GNA15: variants seen among roughly 807,000 people sequenced by gnomAD.
The protein encoded by GNA15 is G protein subunit alpha 15.
Under a neutral mutation model 40.1 loss-of-function variants are expected in GNA15, and 23 were observed. The observed-to-expected ratio is 0.57, with a 90% CI of 0.41 to 0.81. The LOEUF is 0.81. Among genes scored for constraint, GNA15 ranks in the 40% least tolerant of loss-of-function variants. The pLI is 0.00. For synonymous variants in GNA15, 226 were observed against 210.4 expected (o/e 1.07, Z -0.64); for missense variants, 522 against 515.8 (o/e 1.01, Z -0.12).
chr19:3,153,221 G>A (rs1331350673), intron 4 of GNA15, among the ~76,000 whole-genome samples: 5 of 150,292 alleles, frequency 3.3e-5, no homozygotes, highest in African/African-American at 1.2e-4. Context: ...ACCCAAGGAT[G>A]ACTTCTATGG....
At chr19:3,138,578 C>T (rs1394946831) in intron 1 of GNA15, among the ~76,000 whole-genome samples, 5 of 152,180 alleles carry the variant, frequency 3.3e-5, no homozygotes, top group Non-Finnish European at 2.9e-5. Flanking sequence ...GGTGGGGACC[C>T]CCAGGAACTG....
chr19:3,158,226 T>A (rs1915073649), intron 6 of GNA15, among the ~76,000 whole-genome samples: 2 of 152,024 alleles, frequency 1.3e-5, no homozygotes, highest in Non-Finnish European at 2.9e-5. Flanking sequence ...CTCGGCTCAC[T>A]GCAACCTTTC....
intron 6 of GNA15, among the ~76,000 whole-genome samples, chr19:3,162,177 G>A (rs569418862): frequency 3.3e-5 from 5 of 151,954 alleles, no homozygotes; most frequent in South Asian, 4.2e-4. Context: ...AGTGGCTCAC[G>A]CCTGTAATCC....
At chr19:3,159,209 C>T (rs916835411) in intron 6 of GNA15, among the ~76,000 whole-genome samples, 1 of 149,110 alleles carries the variant, frequency 6.7e-6, no homozygotes, top group Non-Finnish European at 1.5e-5. Flanking sequence ...TATTTTTGGT[C>T]GAGATGGGGT....
chr19:3,157,199 A>G (rs1915050803), intron 5 of GNA15, among the ~76,000 whole-genome samples: 1 of 151,926 alleles, frequency 6.6e-6, no homozygotes, highest in South Asian at 2.1e-4. Flanking sequence ...GGGTTTCACC[A>G]TGTTAGCCAG....
chr19:3,148,615 C>T lies in GNA15; in HGVS notation c.170C>T (p.Thr57Ile). The change falls in exon 2 of 7, where the codon ACC (threonine) becomes ATC (isoleucine). Residue 57 changes from threonine (T) to isoleucine (I), a missense_variant. Transcript: ENST00000262958. ...LLGPGESGKS[T>I]FIKQMRIIHG... ...GGCCCAGGCGAGAGCGGGAAGAGCA[C>T]CTTCATCAAGCAGATGCGGATCATC... 1.9e-6 allele frequency: 3 copies of T among 1,585,764 alleles called. No individual in the cohort carries two copies. Among genetic ancestry groups the T allele is most frequent in the South Asian group, 1.1e-5 (1 of 87,544 alleles).
In GNA15 at chr19:3,158,218, C is replaced by T. The variant is rs188777086; in HGVS notation, c.898+337C>T. Among the ~76,000 whole-genome samples, 39 of 151,562 alleles carry T rather than the reference C, an allele frequency of 2.6e-4. 1 individual carries two copies. The highest frequency in any genetic ancestry group is 1.5e-4 in the Non-Finnish European group (10 of 67,916). The stretch of plus-strand genomic sequence containing the variant: ...AGGCTGGAGTGCAGTGGCGTGATCT[C>T]GGCTCACTGCAACCTTTCCCTCCAG... On this transcript the variant is annotated intron_variant, in intron 6 of 6. Transcript: ENST00000262958.
chr19:3,150,799 G>A (rs1914864108), intron 3 of GNA15, among the ~76,000 whole-genome samples: 1 of 151,756 alleles, frequency 6.6e-6, no homozygotes, highest in Non-Finnish European at 1.5e-5. Context: ...CCCTATTCCT[G>A]GAGAACCCTG....
chr19:3,147,153 C>G (rs949493254), intron 1 of GNA15, among the ~76,000 whole-genome samples: 1 of 152,174 alleles, frequency 6.6e-6, no homozygotes, highest in African/African-American at 2.4e-5. Flanking sequence ...TCGTAGTCAC[C>G]TAATTACTCC....
Position 3,157,638 on chromosome 19 carries a change from CTGGAGCCAA to C in GNA15, c.745-89_745-81del. 2.5e-6 allele frequency: 3 copies of C among 1,194,572 alleles called. No homozygotes were observed. The African/African-American group carries it at 4.5e-5, about 18-fold the overall frequency. The allele number at this position is 1,194,572 out of a possible 1,614,324, so 74.0% of individuals were successfully genotyped here. A position where few individuals can be genotyped will look rare whatever the true frequency, so the allele number is the denominator to read the frequency against. ...GGCAGATAGGGGTGAGCCCATGCCC[CTGGAGCCAA>C]CAGCCCCGTCTCCGCGATGGGAGGG... On this transcript the variant is annotated intron_variant, in intron 5 of 6. Transcript: ENST00000262958.
At position 3,136,799 on chromosome 19, in the gene GNA15, G is replaced by A. The variant is rs1368721090; in HGVS notation, c.145+204G>A. ...AGAGAAGCCAAGTTCCTTGTCCAAC[G>A]TGCGACCAGCGGCCAGGTGCCCAGG... is the stretch of plus-strand genomic sequence containing the variant. On this transcript the variant is annotated intron_variant, in intron 1 of 6. Transcript: ENST00000262958. This position sits in a 1 kb window ranked among gnomAD's most constrained non-coding sequence, Gnocchi z 4.9. 6.6e-6 allele frequency among the ~76,000 whole-genome samples: 1 copy of A among 152,236 alleles called. No individual in the cohort carries two copies. Among genetic ancestry groups the A allele is most frequent in the Non-Finnish European group, 1.5e-5 (1 of 68,044 alleles).
rs1178039894 is a variant in GNA15, at chr19:3,148,736, G to A, written c.291G>A (p.Met97Ile). ...FVSMRAMIEA[M>I]ERLQIPFSRP... is the part of the protein sequence containing the mutation. ...CCATGCGGGCCATGATCGAGGCCAT[G>A]GAGCGGCTGCAGATTCCATTCAGCA... is the stretch of plus-strand genomic sequence containing the variant. Residue 97 changes from methionine to isoleucine, a missense_variant, in exon 2 of 7, where the codon ATG becomes ATA. Transcript: ENST00000262958. 4.4e-6 allele frequency: 7 copies of A among 1,603,654 alleles called. No individual in the cohort carries two copies. In the South Asian group the frequency reaches 6.7e-5, roughly 15 times the overall value.
intron 6 of GNA15, among the ~76,000 whole-genome samples, chr19:3,159,129 A>G (rs1348809555): frequency 6.6e-6 from 1 of 151,744 alleles, no homozygotes; most frequent in Non-Finnish European, 1.5e-5. Context: ...GGTTCACACC[A>G]TTCTGCTGCC....
At chr19:3,158,208 G>T (rs762838212) in intron 6 of GNA15, among the ~76,000 whole-genome samples, 8 of 152,124 alleles carry the variant, frequency 5.3e-5, no homozygotes, top group Admixed American at 2.6e-4. Flanking sequence ...GGAGTGCAGT[G>T]GCGTGATCTC....
At chr19:3,154,162 G>GGAT in intron 4 of GNA15, among the ~76,000 whole-genome samples, 1 of 138,208 alleles carries the variant, frequency 7.2e-6, no homozygotes, top group South Asian at 2.4e-4. Context: ...ATGGATGGGT[G>GGAT]GGATGGATGG....
intron 5 of GNA15, among the ~76,000 whole-genome samples, chr19:3,156,460 A>G (rs952710947): frequency 2.2e-5 from 3 of 138,738 alleles, no homozygotes; most frequent in Admixed American, 7.0e-5. Context: ...ATGCACACGC[A>G]CACACAGGCA....
At chr19:3,145,359 A>ACATT (rs766635657) in intron 1 of GNA15, among the ~76,000 whole-genome samples, 2 of 46,972 alleles carry the variant, frequency 4.3e-5, no homozygotes, top group African/African-American at 9.2e-5. Flanking sequence ...ATATATATAT[A>ACATT]TTTTTTTTTT....
chr19:3,159,699 A>T (rs1325902626), intron 6 of GNA15, among the ~76,000 whole-genome samples: 1 of 152,248 alleles, frequency 6.6e-6, no homozygotes, highest in African/African-American at 2.4e-5. Flanking sequence ...CACACAGCTT[A>T]GTTTTGTAAT....
At chr19:3,148,339 C>T (rs1311990353) in intron 1 of GNA15, among the ~76,000 whole-genome samples, 4 of 152,182 alleles carry the variant, frequency 2.6e-5, no homozygotes, top group Non-Finnish European at 5.9e-5. Flanking sequence ...CCGCCTGCCT[C>T]AGCCTCCCAA....
Sources: allele counts gnomAD v4.1 joint callset (sites outside exome capture counted in the v4.1 genomes callset), GRCh38; gene constraint gnomAD v4.1.1; non-coding constraint Gnocchi (gnomAD v3.1); transcripts MANE v1.5; gene names NCBI Gene and HGNC (gene_info 2026-07-23, HGNC 2026-07-21).